DNAH11: variants seen among roughly 807,000 people sequenced by gnomAD.
The protein encoded by DNAH11 is axonemal beta dynein heavy chain 11.
DNAH11 carries 442 observed loss-of-function variants against 526.0 expected under a neutral mutation model. That is an observed-to-expected ratio of 0.84 (90% confidence interval 0.78 to 0.91). DNAH11 has a LOEUF of 0.91. DNAH11 is among the 40% of genes least tolerant of loss of function. DNAH11 has a pLI of 0.00. For missense variants in DNAH11, 6,989 were observed against 5,448.7 expected (o/e 1.28, Z -8.90); for synonymous variants, 2,461 against 1,935.9 (o/e 1.27, Z -7.12).
chr7:21,617,039 G>A (rs1364032915), intron 22 of DNAH11, among the ~76,000 whole-genome samples: 1 of 152,136 alleles, frequency 6.6e-6, no homozygotes, highest in Non-Finnish European at 1.5e-5. Context: ...CGGATGTCAT[G>A]GGGTCACATT....
chr7:21,707,634 T>C, intron 39 of DNAH11, 65 bp from the exon 40 acceptor site: 1 of 1,555,238 alleles, frequency 6.4e-7, no homozygotes, highest in Non-Finnish European at 8.7e-7. Flanking sequence ...TCTTCAGAAA[T>C]CTTTTACTTT....
chr7:21,601,515 G>A lies in DNAH11; in HGVS notation c.3545G>A (p.Arg1182Gln), dbSNP rs368316519. 3.2e-5 allele frequency: 51 copies of A among 1,613,608 alleles called. No individual in the cohort carries two copies. Among genetic ancestry groups the A allele is most frequent in the Admixed American group, 2.0e-4 (12 of 59,944 alleles). ...IMVHLLAVRS[R>Q]QRATDELFEP... is the part of the protein sequence containing the mutation. ...GTGCATCTTCTGGCTGTAAGAAGCC[G>A]ACAGAGAGCTACTGATGAACTCTTT... The change falls in exon 18 of 82, where the codon CGA becomes CAA. Residue 1182 changes from arginine (R) to glutamine (Q), a missense_variant. Arg to Gln is a conservative substitution (Grantham distance 43, BLOSUM62 1). Coordinates refer to ENST00000409508, the MANE Select transcript of DNAH11 (RefSeq NM_001277115.2).
At chr7:21,683,648 T>C (rs1295832507) in intron 31 of DNAH11, 136 bp from the exon 32 acceptor site, 1 of 868,440 alleles carries the variant, frequency 1.2e-6, no homozygotes, top group East Asian at 2.6e-5. Context: ...TATGCTATTA[T>C]AATTTGCAAT....
chr7:21,763,025 G>T (rs28434137), intron 54 of DNAH11, among the ~76,000 whole-genome samples: 45,739 of 152,070 alleles, frequency 0.3, 9,214 homozygotes, highest in Non-Finnish European at 0.44. Context: ...AATGGGCAAA[G>T]GACTTACGTA....
At chr7:21,759,365 A>T (rs764817298) in intron 54 of DNAH11, among the ~76,000 whole-genome samples, 16 of 152,246 alleles carry the variant, frequency 1.1e-4, no homozygotes, top group Non-Finnish European at 2.1e-4. Flanking sequence ...AGGGAAATAA[A>T]TAAGAAAATG....
Position 21,789,140 on chromosome 7 carries a change from T to C in DNAH11, c.9925-101T>C. On this transcript the variant is annotated intron_variant, in intron 60 of 81. Coordinates refer to ENST00000409508, the MANE Select transcript of DNAH11 (RefSeq NM_001277115.2). Reference sequence around the variant, plus strand: ...CCCATCTCAATAAAAAAAGAGAAGTTGCTAGATGAATTAGAGATTTTAATT... The same window carrying C: ...CCCATCTCAATAAAAAAAGAGAAGTCGCTAGATGAATTAGAGATTTTAATT... 3.5e-6 allele frequency: 3 copies of C among 861,924 alleles called. No individual in the cohort carries two copies. In the South Asian group the frequency reaches 4.9e-5, roughly 14 times the overall value. 53.4% of individuals were successfully genotyped at this position (861,924 alleles called of 1,614,324 possible).
At chr7:21,565,814 G>A (rs1245221749) in intron 6 of DNAH11, among the ~76,000 whole-genome samples, 1 of 152,302 alleles carries the variant, frequency 6.6e-6, no homozygotes, top group South Asian at 2.1e-4. Context: ...GTTGCCTTCT[G>A]TTCTTTTGCC....
chr7:21,802,678 A>G (rs1285112912), intron 62 of DNAH11, among the ~76,000 whole-genome samples: 3 of 152,118 alleles, frequency 2.0e-5, no homozygotes, highest in African/African-American at 7.2e-5. Flanking sequence ...AATCTTGAAA[A>G]TATCATGCTA....
intron 76 of DNAH11, among the ~76,000 whole-genome samples, chr7:21,887,430 CTATTT>C (rs1784166761): frequency 1.3e-5 from 2 of 152,144 alleles, no homozygotes; most frequent in Admixed American, 6.5e-5. Context: ...ATAATACAAA[CTATTT>C]TAGTAATATA....
chr7:21,577,912 A>G (rs1191304802), intron 8 of DNAH11, among the ~76,000 whole-genome samples: 1 of 152,218 alleles, frequency 6.6e-6, no homozygotes, highest in Non-Finnish European at 1.5e-5. Flanking sequence ...AAAGTAGTGT[A>G]TTAGTCCATT....
At chr7:21,677,937 G>T (rs928413176) in intron 30 of DNAH11, among the ~76,000 whole-genome samples, 6 of 152,128 alleles carry the variant, frequency 3.9e-5, no homozygotes, top group African/African-American at 1.4e-4. Flanking sequence ...TTGCCGTTGA[G>T]TTGTATGAGT....
At chr7:21,557,950 A>C (rs888565762) in intron 2 of DNAH11, among the ~76,000 whole-genome samples, 10 of 152,308 alleles carry the variant, frequency 6.6e-5, no homozygotes, top group African/African-American at 2.4e-4. Flanking sequence ...AAAGGTAATA[A>C]TAATATTTGG....
At chr7:21,900,186 C>G (rs1784715344) in intron 81 of DNAH11, 66 bp downstream of exon 81, 1 of 1,488,284 alleles carries the variant, frequency 6.7e-7, no homozygotes, top group Non-Finnish European at 9.0e-7. Flanking sequence ...TGTTTGTCCT[C>G]TGCTTACTGT....
intron 39 of DNAH11, among the ~76,000 whole-genome samples, chr7:21,706,455 GA>G (rs967627565): frequency 2.6e-5 from 4 of 151,086 alleles, no homozygotes; most frequent in South Asian, 2.1e-4. Context: ...ACAACTGTAA[GA>G]AAAAAAATCT....
Position 21,785,373 on chromosome 7 carries a change from A to G in DNAH11, c.9597+833A>G, listed in dbSNP as rs144983118. Reference sequence around the variant, plus strand: ...GAAAAATTTTAAATGGAAACATACCATGACAGAACTCTGATTATTATGCAT... The same window carrying G: ...GAAAAATTTTAAATGGAAACATACCGTGACAGAACTCTGATTATTATGCAT... On this transcript the variant is annotated intron_variant, in intron 58 of 81. Transcript: ENST00000409508. Among the ~76,000 whole-genome samples the G allele has an allele frequency of 4.7e-3, 710 of 152,334 alleles. 6 individuals are homozygous for G. Among genetic ancestry groups the G allele is most frequent in the African/African-American group, 0.017 (687 of 41,586 alleles).
chr7:21,615,324 A>G (rs923694511), intron 21 of DNAH11, 52 bp downstream of exon 21: 7 of 1,589,666 alleles, frequency 4.4e-6, no homozygotes, highest in Non-Finnish European at 2.6e-6. Flanking sequence ...TCTTTTACAT[A>G]TGCAGTTTGT....
intron 54 of DNAH11, among the ~76,000 whole-genome samples, chr7:21,751,224 T>C (rs1786398709): frequency 6.6e-6 from 1 of 152,106 alleles, no homozygotes; most frequent in South Asian, 2.1e-4. Context: ...CTTGGGTGGC[T>C]GAGGCAGGAG....
chr7:21,702,816 A>AAT lies in DNAH11; in HGVS notation c.6273+17_6273+18dup, dbSNP rs1562498196. On this transcript the variant is annotated intron_variant, in intron 37 of 81. Transcript: ENST00000409508. ...CCCGAAGATCAGGTACTGCAATGCT[A>AAT]ATATGATTTTGTTGAGTGAGTAGCT... is the stretch of plus-strand genomic sequence containing the variant. The AAT allele has an allele frequency of 6.2e-7, 1 of 1,607,954 alleles. No individual in the cohort carries two copies. Among genetic ancestry groups the AAT allele is most frequent in the Non-Finnish European group, 8.5e-7 (1 of 1,175,852 alleles).
chr7:21,567,488 A>T (rs1583487529), intron 6 of DNAH11, among the ~76,000 whole-genome samples: 2 of 152,182 alleles, frequency 1.3e-5, no homozygotes, highest in East Asian at 3.8e-4. Flanking sequence ...TTAATACTTA[A>T]ATTGGATAGA....
Sources: allele counts gnomAD v4.1 joint callset (sites outside exome capture counted in the v4.1 genomes callset), GRCh38; gene constraint gnomAD v4.1.1; transcripts MANE v1.5; gene names NCBI Gene and HGNC (gene_info 2026-07-23, HGNC 2026-07-21).